Variants in IQGAP2 observed in about 807,000 individuals in gnomAD.
The protein encoded by IQGAP2 is ras GTPase-activating-like protein IQGAP2.
In IQGAP2, 173 loss-of-function variants were observed where a neutral mutation model predicts 201.3. The ratio of observed to expected loss-of-function variants is 0.86; its 90% confidence interval spans 0.76 to 0.98. The LOEUF (loss-of-function observed/expected upper bound fraction) is 0.98. Ranked by LOEUF, IQGAP2 falls within the 50% of genes least tolerant of loss-of-function variation. The probability of loss-of-function intolerance (pLI) is 0.00; values close to 1 mark genes in which losing one functional copy is unlikely to be tolerated. For synonymous variants in IQGAP2, 675 were observed against 673.9 expected (o/e 1.00, Z -0.03); for missense variants, 1,687 against 1,864.8 (o/e 0.90, Z 1.76).
intron 35 of IQGAP2, among the ~76,000 whole-genome samples, chr5:76,705,536 G>T (rs576614870): frequency 1.3e-5 from 2 of 152,122 alleles, no homozygotes; most frequent in South Asian, 4.1e-4. Flanking sequence ...AACTCTATTG[G>T]TTTAATTCTT....
intron 1 of IQGAP2, among the ~76,000 whole-genome samples, chr5:76,434,304 A>C (rs1752534899): frequency 6.6e-6 from 1 of 152,126 alleles, no homozygotes; most frequent in South Asian, 2.1e-4. Flanking sequence ...AGTAGTGTAC[A>C]TTGTGCCCGA....
chr5:76,654,923 A>G lies in IQGAP2; in HGVS notation c.2251-11A>G. On this transcript the variant is annotated splice_polypyrimidine_tract_variant and intron_variant, in intron 19 of 35. Transcript: ENST00000274364. ...CTCTGGGAGATCAAGACTTGTCTTA[A>G]TCTTTTGCAGAATAATGAAATTGTG... is the stretch of plus-strand genomic sequence containing the variant. 1.9e-6 allele frequency: 3 copies of G among 1,597,612 alleles called. No homozygotes were observed. Among genetic ancestry groups the G allele is most frequent in the South Asian group, 1.1e-5 (1 of 90,512 alleles).
At chr5:76,600,619 A>G (rs1306701849) in intron 10 of IQGAP2, among the ~76,000 whole-genome samples, 193 bp from the exon 11 acceptor site, 2 of 152,226 alleles carry the variant, frequency 1.3e-5, no homozygotes, top group Non-Finnish European at 2.9e-5. Flanking sequence ...AAAAATGATC[A>G]TCTAATGAAA....
At chr5:76,670,233 C>T (rs547803800) in intron 23 of IQGAP2, among the ~76,000 whole-genome samples, 31 of 152,278 alleles carry the variant, frequency 2.0e-4, no homozygotes, top group Non-Finnish European at 4.0e-4. Flanking sequence ...ACAAAAAGGC[C>T]GGGCACGGTG....
intron 33 of IQGAP2, among the ~76,000 whole-genome samples, chr5:76,699,963 C>CTCCA (rs1367777896): frequency 1.7e-5 from 2 of 116,200 alleles, no homozygotes; most frequent in Admixed American, 9.2e-5. Flanking sequence ...CTCTCTCTCT[C>CTCCA]TATATATATA....
At chr5:76,662,826 G>C (rs552093767) in intron 21 of IQGAP2, among the ~76,000 whole-genome samples, 4 of 152,204 alleles carry the variant, frequency 2.6e-5, no homozygotes, top group Admixed American at 1.3e-4. Flanking sequence ...GGGAAATGTT[G>C]CTTTTTTAAA....
At chr5:76,424,437 A>G (rs1234475391) in intron 1 of IQGAP2, among the ~76,000 whole-genome samples, 1 of 152,048 alleles carries the variant, frequency 6.6e-6, no homozygotes, top group Non-Finnish European at 1.5e-5. Context: ...CCTCCTAAGT[A>G]GCTGGGATTA....
rs557150698 is a variant in IQGAP2 at position 76,490,141 on chromosome 5, G to T, written c.146+28472G>T. On this transcript the variant is annotated intron_variant, in intron 2 of 35. Transcript: ENST00000274364. ...CCTTATACCCGTTTTCATTCTTGCG[G>T]ACTTCTCAGGAGGAAGACAGGTTTT... Among the ~76,000 whole-genome samples the T allele has an allele frequency of 2.6e-5, 4 of 152,310 alleles. No individual in the cohort carries two copies. The South Asian group carries it at 8.3e-4, about 32-fold the overall frequency.
intron 2 of IQGAP2, among the ~76,000 whole-genome samples, chr5:76,490,003 G>A (rs1260338575): frequency 6.6e-6 from 1 of 152,210 alleles, no homozygotes; most frequent in Non-Finnish European, 1.5e-5. Context: ...AGTATGTGAA[G>A]AGAGTTCTGT....
intron 1 of IQGAP2, among the ~76,000 whole-genome samples, chr5:76,454,073 G>A (rs1006663846): frequency 5.9e-5 from 9 of 152,130 alleles, no homozygotes; most frequent in Non-Finnish European, 7.4e-5. Flanking sequence ...TAATAAGTAA[G>A]AGGTTTGGTT....
At chr5:76,611,628 A>G (rs573114279) in intron 13 of IQGAP2, among the ~76,000 whole-genome samples, 11 of 152,328 alleles carry the variant, frequency 7.2e-5, no homozygotes, top group African/African-American at 2.6e-4. Flanking sequence ...TAGTAAAGAT[A>G]AGGGTGTGCA....
intron 2 of IQGAP2, among the ~76,000 whole-genome samples, chr5:76,555,639 C>G (rs1284785291): frequency 1.3e-5 from 2 of 152,210 alleles, no homozygotes; most frequent in African/African-American, 2.4e-5. Context: ...AATTCCTGCT[C>G]CTGTAAGGTT....
In IQGAP2 at chr5:76,679,005, G is replaced by A. The variant is rs563238427; in HGVS notation, c.3660+1655G>A. 2.4e-4 allele frequency among the ~76,000 whole-genome samples: 37 copies of A among 152,220 alleles called. No homozygotes were observed. In the South Asian group the frequency reaches 7.1e-3, roughly 29 times the overall value. On this transcript the variant is annotated intron_variant, in intron 28 of 35. Coordinates refer to ENST00000274364, the MANE Select transcript of IQGAP2 (RefSeq NM_006633.5). ...ATATATGAACACCCTAGATTACAAG[G>A]AAAACTGTCCAGCAATCTAGCAATG... is the stretch of plus-strand genomic sequence containing the variant.
chr5:76,675,723 T>C (rs190163316), intron 27 of IQGAP2, among the ~76,000 whole-genome samples: 8 of 152,218 alleles, frequency 5.3e-5, no homozygotes, highest in Admixed American at 3.3e-4. Flanking sequence ...TCCCTTGGAG[T>C]GAGTGACTTA....
At chr5:76,676,077 T>TCACACACACACACA (rs34099080) in intron 27 of IQGAP2, among the ~76,000 whole-genome samples, 6 of 135,592 alleles carry the variant, frequency 4.4e-5, no homozygotes, top group African/African-American at 1.7e-4. Flanking sequence ...TAAGACTCTG[T>TCACACACACACACA]CACACACACA....
At chr5:76,520,758 C>CA (rs1758627749) in intron 2 of IQGAP2, among the ~76,000 whole-genome samples, 1 of 129,998 alleles carries the variant, frequency 7.7e-6, no homozygotes, top group Non-Finnish European at 1.5e-5. Flanking sequence ...GGCTGGAGTG[C>CA]AGTGAGTGGC....
chr5:76,644,078 A>G (rs1047680789), intron 17 of IQGAP2, among the ~76,000 whole-genome samples: 1 of 152,056 alleles, frequency 6.6e-6, no homozygotes, highest in Non-Finnish European at 1.5e-5. Flanking sequence ...CAGCCAGTGT[A>G]TCAAGCCAGA....
chr5:76,673,787 A>C (rs1255952043), intron 25 of IQGAP2, 165 bp from the exon 26 acceptor site: 2 of 682,262 alleles, frequency 2.9e-6, no homozygotes, highest in Non-Finnish European at 5.0e-6. Context: ...AACACAGCTC[A>C]GTTATTATCA....
chr5:76,635,908 C>T (rs1751090517), intron 15 of IQGAP2, among the ~76,000 whole-genome samples: 1 of 152,054 alleles, frequency 6.6e-6, no homozygotes, highest in South Asian at 2.1e-4. Context: ...ATAATAATTA[C>T]TTGTAAACAT....
Sources: gnomAD v4.1 joint callset for allele counts (sites outside exome capture counted in the v4.1 genomes callset) on GRCh38, gnomAD v4.1.1 for gene constraint, MANE v1.5 for transcripts, NCBI Gene and HGNC (gene_info 2026-07-23, HGNC 2026-07-21) for gene names.